ADAM12: variants seen among roughly 807,000 people sequenced by gnomAD.
ADAM12 encodes ADAM metallopeptidase domain 12.
In ADAM12, 70 loss-of-function variants were observed where a neutral mutation model predicts 106.4. The ratio of observed to expected loss-of-function variants is 0.66; its 90% CI spans 0.54 to 0.80. The LOEUF is 0.80. Among genes scored for constraint, ADAM12 ranks in the 30% least tolerant of loss-of-function variants. The pLI is 0.00. For missense variants in ADAM12, 1,010 were observed against 1,171.9 expected (o/e 0.86, Z 2.02); for synonymous variants, 420 against 433.5 (o/e 0.97, Z 0.39).
chr10:126,317,950 T>C (rs1175848944), intron 2 of ADAM12, among the ~76,000 whole-genome samples: 1 of 152,118 alleles, frequency 6.6e-6, no homozygotes, highest in African/African-American at 2.4e-5. Flanking sequence ...AGCCAGCACT[T>C]GAGATCTGTT....
chr10:126,181,973 T>C (rs1957320631), intron 3 of ADAM12, among the ~76,000 whole-genome samples: 2 of 152,158 alleles, frequency 1.3e-5, no homozygotes, highest in Non-Finnish European at 2.9e-5. Flanking sequence ...ATGCCTTTGT[T>C]TCTCAGATGG....
intron 3 of ADAM12, among the ~76,000 whole-genome samples, chr10:126,166,379 A>G (rs1035670244): frequency 6.6e-6 from 1 of 152,044 alleles, no homozygotes; most frequent in African/African-American, 2.4e-5. Context: ...GCAGCTCTCC[A>G]GCTGGCATGA....
At position 126,068,390 on chromosome 10, in the gene ADAM12, C is replaced by A. The variant is rs143134660; in HGVS notation, c.1324-1584G>T. ...AAATTCTTTAAGAAATATCTTCCCCCCTCTCTCAAATCACCCAGTAATATA... is the reference window on the plus strand; with the variant it reads ...AAATTCTTTAAGAAATATCTTCCCCACTCTCTCAAATCACCCAGTAATATA... On this transcript the variant is annotated intron_variant, in intron 12 of 22. Coordinates refer to ENST00000448723, the MANE Select transcript of ADAM12 (RefSeq NM_001288973.2). Among the ~76,000 whole-genome samples the A allele has an allele frequency of 4.4e-3, 674 of 152,296 alleles. 8 individuals are homozygous for A. Among genetic ancestry groups the A allele is most frequent in the African/African-American group, 0.014 (562 of 41,558 alleles).
chr10:126,111,191 T>G (rs1052088111), intron 6 of ADAM12, among the ~76,000 whole-genome samples: 3 of 152,192 alleles, frequency 2.0e-5, no homozygotes, highest in African/African-American at 7.2e-5. Flanking sequence ...TCTGGAAACC[T>G]TATGGAAAAG....
intron 2 of ADAM12, among the ~76,000 whole-genome samples, chr10:126,305,355 C>T (rs1394939242): frequency 6.6e-6 from 1 of 151,944 alleles, no homozygotes; most frequent in Non-Finnish European, 1.5e-5. Flanking sequence ...CAAAAGGAGC[C>T]AGACACAAAA....
intron 1 of ADAM12, among the ~76,000 whole-genome samples, chr10:126,343,051 T>C (rs527831921): frequency 6.6e-6 from 1 of 152,266 alleles, no homozygotes; most frequent in East Asian, 1.9e-4. Flanking sequence ...TTTTTTTCTT[T>C]TTTTATTATT....
At chr10:126,168,367 T>C (rs1957062047) in intron 3 of ADAM12, among the ~76,000 whole-genome samples, 1 of 152,222 alleles carries the variant, frequency 6.6e-6, no homozygotes, top group Non-Finnish European at 1.5e-5. Flanking sequence ...ACTTTGAATA[T>C]GAAATCCGAC....
rs1954418809 is a variant in ADAM12 at position 126,049,507 on chromosome 10, T to A, written c.1718+54A>T. 1 of 1,613,538 alleles carries A rather than the reference T, an allele frequency of 6.2e-7. No individual in the cohort carries two copies. The highest frequency in any genetic ancestry group is 8.5e-7 in the Non-Finnish European group (1 of 1,179,442). The stretch of plus-strand genomic sequence containing the variant: ...GAGAAACCATTTGGAACCAACCCTA[T>A]GCAATGTGGGAAGGTCAGAGCAAAG... On this transcript the variant is annotated intron_variant, in intron 15 of 22. Coordinates refer to ENST00000448723, the MANE Select transcript of ADAM12 (RefSeq NM_001288973.2). The surrounding 1 kb of genome is among the most constrained non-coding windows in gnomAD (Gnocchi z 4.4).
rs532501650 is a variant in ADAM12 at position 126,197,379 on chromosome 10, G to T, written c.261-42074C>A. Among the ~76,000 whole-genome samples the T allele has an allele frequency of 7.9e-5, 12 of 152,318 alleles. No homozygotes were observed. In the East Asian group the frequency reaches 2.3e-3, roughly 29 times the overall value. The stretch of plus-strand genomic sequence containing the variant: ...AACAAGCTCGGGATACATGTCCCAG[G>T]CTTGAGCGGAAGGGAGGCAAGTTGA... On this transcript the variant is annotated intron_variant, in intron 3 of 22. Coordinates refer to ENST00000448723, the MANE Select transcript of ADAM12 (RefSeq NM_001288973.2).
chr10:126,126,860 T>G (rs1278314), intron 5 of ADAM12, among the ~76,000 whole-genome samples: 98,110 of 151,868 alleles, frequency 0.65, 32,132 homozygotes, highest in East Asian at 0.77. Flanking sequence ...ACTCGAGGTG[T>G]TGTGGACCTT....
rs115614648 is a variant in ADAM12, at chr10:126,320,329, C to T, written c.186+10083G>A. Among the ~76,000 whole-genome samples the T allele has an allele frequency of 1.8e-3, 277 of 152,240 alleles. 1 individual carries two copies. The highest frequency in any genetic ancestry group is 6.3e-3 in the African/African-American group (263 of 41,550). On this transcript the variant is annotated intron_variant, in intron 2 of 22. Coordinates refer to ENST00000448723, the MANE Select transcript of ADAM12 (RefSeq NM_001288973.2). ...ATCCAAAAGGAAATTCTTCCCACAG[C>T]GGCTCTCTATGCAGGCATATGTTAC...
Position 126,039,285 on chromosome 10 carries a change from C to T in ADAM12, c.2240+9G>A, listed in dbSNP as rs773446171. On this transcript the variant is annotated intron_variant, in intron 19 of 22. Transcript: ENST00000448723. ...TTCTAGAACAGATGACAAGCTAAAC[C>T]CAGGGTACCTTAGTTTTTCAATGGT... is the stretch of plus-strand genomic sequence containing the variant. 1.9e-6 allele frequency: 3 copies of T among 1,613,500 alleles called. No homozygotes were observed. The highest frequency in any genetic ancestry group is 2.5e-6 in the Non-Finnish European group (3 of 1,179,678).
chr10:126,067,625 G>A (rs1056460979), intron 12 of ADAM12, among the ~76,000 whole-genome samples: 1 of 152,186 alleles, frequency 6.6e-6, no homozygotes, highest in Non-Finnish European at 1.5e-5. Context: ...AGGCCTGCAC[G>A]CATTTATCAA....
intron 3 of ADAM12, among the ~76,000 whole-genome samples, chr10:126,260,423 C>T (rs1435323586): frequency 2.0e-5 from 3 of 152,214 alleles, no homozygotes; most frequent in Admixed American, 6.5e-5. Context: ...CAGAAACCTT[C>T]ATCTGAGGAC....
At chr10:126,143,586 T>A (rs578013762) in intron 4 of ADAM12, among the ~76,000 whole-genome samples, 1 of 56,276 alleles carries the variant, frequency 1.8e-5, no homozygotes, top group African/African-American at 1.3e-4. Context: ...TATTTGTGTG[T>A]GTATATGCAT....
At chr10:126,280,593 C>T (rs1021236412) in intron 2 of ADAM12, among the ~76,000 whole-genome samples, 5 of 152,092 alleles carry the variant, frequency 3.3e-5, no homozygotes, top group Admixed American at 2.6e-4. Context: ...CATCCAATTG[C>T]CACCTGAGAA....
intron 1 of ADAM12, among the ~76,000 whole-genome samples, chr10:126,339,607 G>C (rs994202099): frequency 6.6e-6 from 1 of 152,124 alleles, no homozygotes; most frequent in Non-Finnish European, 1.5e-5. Flanking sequence ...TTTAACAAGA[G>C]CAAACATCTA....
At chr10:126,339,516 C>T (rs1051089578) in intron 1 of ADAM12, among the ~76,000 whole-genome samples, 3 of 152,208 alleles carry the variant, frequency 2.0e-5, no homozygotes, top group African/African-American at 7.2e-5. Flanking sequence ...CTAAAAGATG[C>T]TCCTAGTACT....
chr10:126,300,415 C>T (rs1448624790), intron 2 of ADAM12, among the ~76,000 whole-genome samples: 1 of 152,178 alleles, frequency 6.6e-6, no homozygotes, highest in Non-Finnish European at 1.5e-5. Flanking sequence ...CTTCCCCTTA[C>T]CAAATTCAGT....
Sources: gnomAD v4.1 joint callset for allele counts (sites outside exome capture counted in the v4.1 genomes callset) on GRCh38, gnomAD v4.1.1 for gene constraint, Gnocchi (gnomAD v3.1) non-coding constraint, MANE v1.5 for transcripts, NCBI Gene and HGNC (gene_info 2026-07-23, HGNC 2026-07-21) for gene names.